RYR3: variants seen among roughly 807,000 people sequenced by gnomAD.
RYR3 encodes the protein brain ryanodine receptor-calcium release channel.
Under a neutral mutation model 584.3 loss-of-function variants are expected in RYR3, and 207 were observed. The observed-to-expected ratio is 0.35, with a 90% CI of 0.32 to 0.40. The LOEUF (loss-of-function observed/expected upper bound fraction) is 0.40, where lower values mean the gene tolerates loss of function less well. Among genes scored for constraint, RYR3 ranks in the 10% least tolerant of loss-of-function variants. RYR3 has a pLI of 1.00. For synonymous variants in RYR3, 2,416 were observed against 2,248.5 expected, an observed-to-expected ratio of 1.07 and a Z score of -2.11; for missense variants, 5,616 against 6,089.2, an observed-to-expected ratio of 0.92 and a Z score of 2.59.
intron 1 of RYR3, among the ~76,000 whole-genome samples, chr15:33,410,227 C>G (rs567747037): frequency 6.6e-6 from 1 of 152,286 alleles, no homozygotes; most frequent in East Asian, 1.9e-4. Context: ...GGCTGATCTG[C>G]TAGCTCATCA....
Position 33,801,860 on chromosome 15 carries a change from C to T in RYR3, c.9919-9C>T. 1.4e-6 allele frequency: 2 copies of T among 1,426,654 alleles called. No homozygotes were observed. The highest frequency in any genetic ancestry group is 1.9e-6 in the Non-Finnish European group (2 of 1,031,506). The allele number at this position is 1,426,654 out of a possible 1,614,324, so 88.4% of individuals were successfully genotyped here. On this transcript the variant is annotated splice_polypyrimidine_tract_variant and intron_variant, in intron 68 of 103. Coordinates refer to ENST00000634891, the MANE Select transcript of RYR3 (RefSeq NM_001036.6). ...GTAATGTTTGCTGTTTCAATTCTTT[C>T]CCACTTAGAACTTCAAGAGAGAAGA...
chr15:33,426,595 A>T (rs953867669), intron 1 of RYR3, among the ~76,000 whole-genome samples: 1 of 152,238 alleles, frequency 6.6e-6, no homozygotes, highest in East Asian at 1.9e-4. Context: ...TTTTATGTAC[A>T]TATAACCCTT....
chr15:33,813,605 C>A (rs184279660), intron 74 of RYR3, 26 bp downstream of exon 74: 1 of 1,564,288 alleles, frequency 6.4e-7, no homozygotes, highest in Non-Finnish European at 8.8e-7. Flanking sequence ...TTTTTCCTGG[C>A]ATGTAAGCCA....
At chr15:33,778,457 C>T (rs2074165136) in intron 64 of RYR3, among the ~76,000 whole-genome samples, 1 of 152,188 alleles carries the variant, frequency 6.6e-6, no homozygotes, top group African/African-American at 2.4e-5. Context: ...ACTCACTATC[C>T]TCAGTTGTCA....
chr15:33,331,227 C>T (rs1484400915), intron 1 of RYR3, among the ~76,000 whole-genome samples: 3 of 152,082 alleles, frequency 2.0e-5, no homozygotes, highest in African/African-American at 4.8e-5. Flanking sequence ...TCTTTTAAAA[C>T]GAGTTCATTC....
At chr15:33,620,341 C>G (rs924041615) in intron 19 of RYR3, among the ~76,000 whole-genome samples, 3 of 152,142 alleles carry the variant, frequency 2.0e-5, no homozygotes, top group Non-Finnish European at 2.9e-5. Flanking sequence ...GAACGCTTCT[C>G]CCTTTCTCCC....
At chr15:33,655,362 C>T (rs1431769651) in intron 32 of RYR3, among the ~76,000 whole-genome samples, 1 of 152,198 alleles carries the variant, frequency 6.6e-6, no homozygotes, top group East Asian at 1.9e-4. Flanking sequence ...CCTCCCTGAG[C>T]TGCAGAGGAC....
At chr15:33,810,345 A>C in intron 70 of RYR3, 134 bp from the exon 71 acceptor site, 1 of 766,762 alleles carries the variant, frequency 1.3e-6, no homozygotes, top group Non-Finnish European at 2.1e-6. Flanking sequence ...CACTCTTTTC[A>C]CTGTCCTTTG....
intron 3 of RYR3, among the ~76,000 whole-genome samples, chr15:33,511,502 C>T: frequency 6.6e-6 from 1 of 151,858 alleles, no homozygotes; most frequent in East Asian, 1.9e-4. Context: ...CTTCAATATA[C>T]ATGTACTTTG....
intron 102 of RYR3, 37 bp from the exon 103 acceptor site, chr15:33,864,101 G>C (rs765423729): frequency 1.3e-6 from 2 of 1,532,248 alleles, no homozygotes; most frequent in Admixed American, 1.7e-5. Context: ...CTTGGGTCTT[G>C]ACCAGAGTAT....
intron 16 of RYR3, among the ~76,000 whole-genome samples, chr15:33,587,330 G>A (rs888031383): frequency 6.6e-6 from 1 of 152,170 alleles, no homozygotes; most frequent in African/African-American, 2.4e-5. Context: ...TAGGAGCCAC[G>A]GGCTATGTGC....
At chr15:33,523,252 C>T (rs1296451856) in intron 3 of RYR3, among the ~76,000 whole-genome samples, 2 of 152,180 alleles carry the variant, frequency 1.3e-5, no homozygotes, top group Non-Finnish European at 2.9e-5. Flanking sequence ...CCACCCGAGC[C>T]AGCAGCGGCA....
At chr15:33,811,234 G>A (rs186076480) in intron 72 of RYR3, among the ~76,000 whole-genome samples, 197 bp downstream of exon 72, 188 of 152,046 alleles carry the variant, frequency 1.2e-3, no homozygotes, top group Admixed American at 0.011. Context: ...GGCTGGGCGC[G>A]GTGGCTCACA....
At chr15:33,805,887 C>G (rs953942854) in intron 69 of RYR3, among the ~76,000 whole-genome samples, 1 of 151,976 alleles carries the variant, frequency 6.6e-6, no homozygotes, top group African/African-American at 2.4e-5. Flanking sequence ...AACGCACACT[C>G]ATCCTCTTCT....
chr15:33,500,543 A>G (rs998510379), intron 2 of RYR3, among the ~76,000 whole-genome samples: 2 of 152,194 alleles, frequency 1.3e-5, no homozygotes, highest in African/African-American at 4.8e-5. Flanking sequence ...GGTTTCCTGT[A>G]GGACATTTGG....
intron 1 of RYR3, among the ~76,000 whole-genome samples, chr15:33,353,932 T>A (rs1973618887): frequency 6.6e-6 from 1 of 152,216 alleles, no homozygotes; most frequent in African/African-American, 2.4e-5. Flanking sequence ...CTCTGGGGAA[T>A]GGAAAACTGT....
chr15:33,386,434 A>T (rs113684519), intron 1 of RYR3, among the ~76,000 whole-genome samples: 2 of 152,360 alleles, frequency 1.3e-5, no homozygotes, highest in African/African-American at 4.8e-5. Context: ...CATTGCCATG[A>T]GCTGGTGCAC....
At chr15:33,634,135 T>C (rs1304091017) in intron 24 of RYR3, among the ~76,000 whole-genome samples, 2 of 152,196 alleles carry the variant, frequency 1.3e-5, no homozygotes, top group South Asian at 2.1e-4. Context: ...CACTGCAACC[T>C]TCATCTCCCG....
intron 38 of RYR3, among the ~76,000 whole-genome samples, chr15:33,694,774 G>A (rs575443425): frequency 1.3e-5 from 2 of 152,280 alleles, no homozygotes; most frequent in South Asian, 4.1e-4. Flanking sequence ...GGTCTCTTGA[G>A]AACATCCTTT....
Sources: gnomAD v4.1 joint callset for allele counts (sites outside exome capture counted in the v4.1 genomes callset) on GRCh38, gnomAD v4.1.1 for gene constraint, MANE v1.5 for transcripts, NCBI Gene and HGNC (gene_info 2026-07-23, HGNC 2026-07-21) for gene names.